GLDC: variants seen among roughly 807,000 people sequenced by gnomAD.
GLDC encodes glycine decarboxylase, also known as glycine dehydrogenase (decarboxylating), mitochondrial.
A neutral mutation model predicts 121.3 loss-of-function variants in GLDC; 104 were observed. The ratio of observed to expected loss-of-function variants is 0.86; its 90% CI spans 0.73 to 1.01. GLDC has a LOEUF of 1.01. GLDC is among the 50% of genes least tolerant of loss of function. The probability of loss-of-function intolerance (pLI) is 0.00; values close to 1 mark genes in which losing one functional copy is unlikely to be tolerated. For missense variants in GLDC, 1,429 were observed against 1,306.6 expected, an observed-to-expected ratio of 1.09 and a Z score of -1.44; for synonymous variants, 546 against 480.6, an observed-to-expected ratio of 1.14 and a Z score of -1.78.
At chr9:6,615,470 T>C (rs1818950260) in intron 3 of GLDC, among the ~76,000 whole-genome samples, 1 of 151,668 alleles carries the variant, frequency 6.6e-6, no homozygotes, top group East Asian at 1.9e-4. Flanking sequence ...AAGTCCCACC[T>C]ACTCAGGAGG....
At chr9:6,570,893 T>A (rs963077000) in intron 15 of GLDC, among the ~76,000 whole-genome samples, 3 of 151,754 alleles carry the variant, frequency 2.0e-5, no homozygotes, top group South Asian at 2.1e-4. Flanking sequence ...GGTATGTTTT[T>A]AAAAAAAATA....
intron 15 of GLDC, chr9:6,565,632 T>G (rs1817841258): frequency 1.5e-6 from 1 of 657,652 alleles, no homozygotes. Flanking sequence ...AGCATCCAGT[T>G]TGTGCACTAC....
At chr9:6,630,536 C>T (rs1819354519) in intron 2 of GLDC, among the ~76,000 whole-genome samples, 1 of 152,148 alleles carries the variant, frequency 6.6e-6, no homozygotes, top group Non-Finnish European at 1.5e-5. Context: ...AAAACCAACA[C>T]ACTCATATTT....
intron 4 of GLDC, among the ~76,000 whole-genome samples, chr9:6,607,107 A>C (rs1818751083): frequency 6.6e-6 from 1 of 152,116 alleles, no homozygotes; most frequent in South Asian, 2.1e-4. Flanking sequence ...TCAGTAACTA[A>C]TGGCATTTAC....
intron 2 of GLDC, among the ~76,000 whole-genome samples, chr9:6,643,365 T>C (rs548218114): frequency 2.0e-5 from 3 of 151,314 alleles, no homozygotes; most frequent in African/African-American, 4.9e-5. Flanking sequence ...CTGAAGCAGA[T>C]AGGCTCCATA....
At chr9:6,634,602 A>C (rs1271589244) in intron 2 of GLDC, among the ~76,000 whole-genome samples, 1 of 152,218 alleles carries the variant, frequency 6.6e-6, no homozygotes, top group Non-Finnish European at 1.5e-5. Flanking sequence ...GCCCGAAGCC[A>C]GTGACTAAGC....
rs767682991 is a variant in GLDC, at chr9:6,534,833, C to G, written c.2839-45G>C. On this transcript the variant is annotated intron_variant, in intron 23 of 24. Transcript: ENST00000321612. ...AGAGGAGGGGTCAGAGCAATACACT[C>G]TCTTCTCCTCCTACCCTGCACCTCA... 8.0e-6 allele frequency: 8 copies of G among 995,860 alleles called. No individual in the cohort carries two copies. The East Asian group carries it at 9.5e-5, about 12-fold the overall frequency. 61.7% of individuals were successfully genotyped at this position (995,860 alleles called of 1,614,324 possible).
At chr9:6,644,562 G>C (rs1020380043) in intron 2 of GLDC, 52 bp downstream of exon 2, 2 of 1,240,508 alleles carry the variant, frequency 1.6e-6, no homozygotes, top group East Asian at 2.3e-5. Flanking sequence ...AACCACAAAA[G>C]ACAAATAGGC....
intron 3 of GLDC, among the ~76,000 whole-genome samples, chr9:6,614,553 CTTTT>C (rs58682628): frequency 1.4e-5 from 2 of 139,324 alleles, no homozygotes; most frequent in African/African-American, 2.6e-5. Context: ...GGGTTTCAAT[CTTTT>C]TTTTTTTTTT....
intron 21 of GLDC, among the ~76,000 whole-genome samples, chr9:6,543,491 C>T (rs1817314078): frequency 6.6e-6 from 1 of 152,138 alleles, no homozygotes; most frequent in Non-Finnish European, 1.5e-5. Context: ...CACAGCACTG[C>T]TAATACTACA....
intron 2 of GLDC, among the ~76,000 whole-genome samples, chr9:6,632,537 T>A (rs2129989320): frequency 6.6e-6 from 1 of 152,340 alleles, no homozygotes; most frequent in South Asian, 2.1e-4. Context: ...GAGATCAAAG[T>A]TATCCGTACA....
chr9:6,617,563 C>A (rs766253593), intron 3 of GLDC, among the ~76,000 whole-genome samples: 3 of 152,130 alleles, frequency 2.0e-5, no homozygotes, highest in Non-Finnish European at 4.4e-5. Context: ...GAAAAAGAAG[C>A]CTTCATCAAT....
At chr9:6,629,958 T>TGTGTATATATATATATATATGTG in intron 2 of GLDC, among the ~76,000 whole-genome samples, 2 of 78,678 alleles carry the variant, frequency 2.5e-5, no homozygotes, top group African/African-American at 6.1e-5. Flanking sequence ...TATATATATA[T>TGTGTATATATATATATATATGTG]TTTTTTTTTT....
At chr9:6,558,717 A>T in intron 16 of GLDC, 33 bp from the exon 17 acceptor site, 3 of 1,613,460 alleles carry the variant, frequency 1.9e-6, no homozygotes, top group Non-Finnish European at 2.5e-6. Flanking sequence ...AGAAAGAGCA[A>T]AATCATCATC....
At chr9:6,588,756 C>G (rs911884206) in intron 12 of GLDC, 54 bp from the exon 13 acceptor site, 2 of 1,011,612 alleles carry the variant, frequency 2.0e-6, no homozygotes, top group Non-Finnish European at 3.2e-6. Flanking sequence ...TGAGTCCATG[C>G]ACATCCTCCT....
intron 3 of GLDC, among the ~76,000 whole-genome samples, chr9:6,616,799 C>A (rs1818974968): frequency 6.6e-6 from 1 of 152,136 alleles, no homozygotes; most frequent in African/African-American, 2.4e-5. Context: ...TAATATTTAA[C>A]CCAAAATAAT....
At chr9:6,597,766 A>G (rs200609805) in intron 8 of GLDC, among the ~76,000 whole-genome samples, 2 of 151,846 alleles carry the variant, frequency 1.3e-5, no homozygotes, top group African/African-American at 4.8e-5. Context: ...GAAACCCTGT[A>G]TCTACTAAAA....
intron 3 of GLDC, among the ~76,000 whole-genome samples, chr9:6,612,166 G>A (rs1384186780): frequency 6.8e-6 from 1 of 146,658 alleles, no homozygotes; most frequent in African/African-American, 2.6e-5. Flanking sequence ...AATCCATTCT[G>A]TTGTATACAC....
chr9:6,545,266 C>A (rs564075031), intron 21 of GLDC, among the ~76,000 whole-genome samples: 2 of 152,252 alleles, frequency 1.3e-5, no homozygotes, highest in South Asian at 4.1e-4. Context: ...CTTACATAAA[C>A]TAGTTGGTAA....
Sources: gnomAD v4.1 joint callset for allele counts (sites outside exome capture counted in the v4.1 genomes callset) on GRCh38, gnomAD v4.1.1 for gene constraint, MANE v1.5 for transcripts, NCBI Gene and HGNC (gene_info 2026-07-23, HGNC 2026-07-21) for gene names.